RBFOX1: variants seen among roughly 807,000 people sequenced by gnomAD.
RBFOX1 encodes the protein RNA binding protein fox-1 homolog 1.
RBFOX1 carries 8 observed loss-of-function variants against 57.7 expected under a neutral mutation model. The ratio of observed to expected loss-of-function variants is 0.14; its 90% CI spans 0.08 to 0.25. RBFOX1 has a LOEUF of 0.25. RBFOX1 is among the 10% of genes least tolerant of loss of function. The pLI, the probability that RBFOX1 is intolerant of heterozygous loss-of-function variation, is 1.00. For synonymous variants in RBFOX1, 326 were observed against 222.4 expected, an observed-to-expected ratio of 1.47 and a Z score of -4.15; for missense variants, 611 against 548.5, an observed-to-expected ratio of 1.11 and a Z score of -1.14.
intron 2 of RBFOX1, among the ~76,000 whole-genome samples, chr16:6,527,875 A>G (rs1030480030): frequency 1.3e-5 from 2 of 152,086 alleles, no homozygotes; most frequent in Admixed American, 1.3e-4. Context: ...CACAATTCAA[A>G]AGAGTGACCA....
chr16:6,727,749 C>T (rs1213415518), intron 3 of RBFOX1, among the ~76,000 whole-genome samples: 1 of 152,176 alleles, frequency 6.6e-6, no homozygotes. Flanking sequence ...AAGTACCCTG[C>T]TGAGTTCAGT....
At chr16:6,658,294 G>T (rs2098675292) in intron 3 of RBFOX1, among the ~76,000 whole-genome samples, 1 of 151,386 alleles carries the variant, frequency 6.6e-6, no homozygotes, top group Admixed American at 6.6e-5. Context: ...GATTGCAGTG[G>T]TGTGATCGTG....
At chr16:7,192,538 A>C (rs976364932) in intron 4 of RBFOX1, among the ~76,000 whole-genome samples, 2 of 152,218 alleles carry the variant, frequency 1.3e-5, no homozygotes, top group African/African-American at 4.8e-5. Context: ...AACTGTGAGA[A>C]GACCAAAGAC....
At position 5,744,855 on chromosome 16, in the gene RBFOX1, T is replaced by C. The variant is rs190727592; in HGVS notation, c.319-122448T>C. Among the ~76,000 whole-genome samples, 9 of 152,264 alleles carry C rather than the reference T, an allele frequency of 5.9e-5. No homozygotes were observed. In the East Asian group the frequency reaches 1.7e-3, roughly 29 times the overall value. On this transcript the variant is annotated intron_variant, in intron 3 of 19. Transcript: ENST00000641259. ...TCACTGCAACTTCTGCCTCCCGGGT[T>C]CAAACAATTCTCCTGCCTCACCGCT...
intron 1 of RBFOX1, among the ~76,000 whole-genome samples, chr16:5,413,689 G>A (rs1004475749): frequency 6.6e-6 from 1 of 152,174 alleles, no homozygotes; most frequent in African/African-American, 2.4e-5. Flanking sequence ...TGGGAAATAA[G>A]TGGTCAACAA....
At chr16:5,314,660 C>A (rs200231563) in intron 1 of RBFOX1, among the ~76,000 whole-genome samples, 1 of 152,028 alleles carries the variant, frequency 6.6e-6, no homozygotes, top group East Asian at 1.9e-4. Flanking sequence ...ACCACCATGC[C>A]CAGCTAATTT....
chr16:7,103,712 C>G (rs966484418), intron 4 of RBFOX1, among the ~76,000 whole-genome samples: 2 of 152,054 alleles, frequency 1.3e-5, no homozygotes, highest in Non-Finnish European at 2.9e-5. Context: ...ACGAATATGC[C>G]TCATACAGGA....
At chr16:6,891,689 C>G (rs1008636381) in intron 3 of RBFOX1, among the ~76,000 whole-genome samples, 4 of 152,160 alleles carry the variant, frequency 2.6e-5, no homozygotes, top group East Asian at 1.9e-4. Context: ...TTTCCTTGAA[C>G]ATACTTAACA....
At chr16:5,931,983 T>TG (rs397855411) in intron 4 of RBFOX1, among the ~76,000 whole-genome samples, 3 of 151,854 alleles carry the variant, frequency 2.0e-5, no homozygotes, top group African/African-American at 4.8e-5. Context: ...AATTTTTTTT[T>TG]GTACACTTGG....
chr16:6,360,462 G>A (rs1330717337), intron 2 of RBFOX1, among the ~76,000 whole-genome samples: 1 of 152,122 alleles, frequency 6.6e-6, no homozygotes, highest in Non-Finnish European at 1.5e-5. Context: ...AAATGTCCAA[G>A]TGATAGATGG....
At chr16:7,532,494 A>G (rs904539135) in intron 5 of RBFOX1, among the ~76,000 whole-genome samples, 2 of 152,176 alleles carry the variant, frequency 1.3e-5, no homozygotes. Context: ...ACCTAGGAAA[A>G]GGGAGGACGT....
At chr16:7,625,361 T>TG (rs963305183) in intron 10 of RBFOX1, among the ~76,000 whole-genome samples, 10 of 152,174 alleles carry the variant, frequency 6.6e-5, no homozygotes, top group African/African-American at 2.4e-4. Flanking sequence ...AGAGATGGTT[T>TG]GGGGGTGGTT....
intron 2 of RBFOX1, among the ~76,000 whole-genome samples, chr16:6,568,633 T>C (rs532709364): frequency 1.6e-4 from 24 of 152,280 alleles, no homozygotes; most frequent in African/African-American, 4.8e-4. Flanking sequence ...CATTCTCATG[T>C]ATCTTATTCT....
intron 3 of RBFOX1, among the ~76,000 whole-genome samples, chr16:6,881,965 G>C (rs559198312): frequency 6.6e-6 from 1 of 152,250 alleles, no homozygotes; most frequent in Non-Finnish European, 1.5e-5. Context: ...AGGGAACTTG[G>C]TTATGGGTTA....
chr16:6,867,954 C>T (rs1464776642), intron 3 of RBFOX1, among the ~76,000 whole-genome samples: 1 of 152,114 alleles, frequency 6.6e-6, no homozygotes, highest in Non-Finnish European at 1.5e-5. Context: ...ATGGCTCAGA[C>T]AAATTGGCAG....
intron 1 of RBFOX1, among the ~76,000 whole-genome samples, chr16:6,229,583 A>G (rs532867583): frequency 6.6e-6 from 1 of 152,314 alleles, no homozygotes; most frequent in African/African-American, 2.4e-5. Flanking sequence ...CATGTAGAAA[A>G]ATAGAGTATG....
intron 3 of RBFOX1, among the ~76,000 whole-genome samples, chr16:5,744,712 G>T (rs150737351): frequency 1.3e-5 from 2 of 152,238 alleles, no homozygotes; most frequent in African/African-American, 2.4e-5. Flanking sequence ...TTGGAAAATG[G>T]TGGTCATTTT....
intron 1 of RBFOX1, among the ~76,000 whole-genome samples, chr16:6,305,551 C>T (rs923611303): frequency 6.6e-6 from 1 of 151,656 alleles, no homozygotes; most frequent in Non-Finnish European, 1.5e-5. Context: ...ATTTCCATCA[C>T]TTTTACCTGT....
intron 1 of RBFOX1, among the ~76,000 whole-genome samples, chr16:5,315,721 C>A (rs1365362964): frequency 1.3e-5 from 2 of 152,134 alleles, no homozygotes; most frequent in Non-Finnish European, 2.9e-5. Context: ...CCAGGAAGGT[C>A]ATTATGGGAG....
Sources: allele counts gnomAD v4.1 joint callset (sites outside exome capture counted in the v4.1 genomes callset), GRCh38; gene constraint gnomAD v4.1.1; transcripts MANE v1.5; gene names NCBI Gene and HGNC (gene_info 2026-07-23, HGNC 2026-07-21).